The following TIMM9 variants were observed in gnomAD, a reference collection of about 807,000 sequenced individuals.
TIMM9 encodes mitochondrial import inner membrane translocase subunit Tim9.
TIMM9 carries 10 observed loss-of-function variants against 13.4 expected under a neutral mutation model. The observed-to-expected ratio is 0.75, with a 90% CI of 0.46 to 1.26. The LOEUF (loss-of-function observed/expected upper bound fraction) is 1.26, where lower values mean the gene tolerates loss of function less well. Ranked by LOEUF, TIMM9 falls within the 50% of genes most tolerant of loss-of-function variation. The pLI, the probability that TIMM9 is intolerant of heterozygous loss-of-function variation, is 0.00. For missense variants in TIMM9, 87 were observed against 100.8 expected, an observed-to-expected ratio of 0.86 and a Z score of 0.58; for synonymous variants, 32 against 32.1, an observed-to-expected ratio of 1.00 and a Z score of 0.01.
At position 58,408,651 on chromosome 14, in the gene TIMM9, G is replaced by A. The variant is rs1330897320; in HGVS notation, c.*383C>T. 1 of 1,417,330 alleles carries A rather than the reference G, an allele frequency of 7.1e-7. No individual in the cohort carries two copies. Among genetic ancestry groups the A allele is most frequent in the African/African-American group, 1.5e-5 (1 of 68,334 alleles). 87.8% of individuals were successfully genotyped at this position (1,417,330 alleles called of 1,614,324 possible). On this transcript the variant is annotated 3_prime_UTR_variant, in exon 6 of 6. Transcript: ENST00000395159. Reference sequence around the variant, plus strand: ...ACCATACAGTATAAACAACTGCTCAGTGATATTTCCATTTATTTTACTTTG... The same window carrying A: ...ACCATACAGTATAAACAACTGCTCAATGATATTTCCATTTATTTTACTTTG...
Position 58,416,206 on chromosome 14 carries a change from T to C in TIMM9, c.-26-4235A>G, listed in dbSNP as rs184332433. ...TCATGTCAGTGCATTCCAGCCTGGG[T>C]GACAGAGTGAGACTCTGTAGCAAAT... On this transcript the variant is annotated intron_variant, in intron 3 of 5. Coordinates refer to ENST00000395159, the MANE Select transcript of TIMM9 (RefSeq NM_012460.4). Among the ~76,000 whole-genome samples, 8 of 152,134 alleles carry C rather than the reference T, an allele frequency of 5.3e-5. 1 individual carries two copies. In the South Asian group the frequency reaches 6.2e-4, roughly 12 times the overall value.
At chr14:58,418,008 C>A (rs1566751442) in intron 3 of TIMM9, among the ~76,000 whole-genome samples, 1 of 151,664 alleles carries the variant, frequency 6.6e-6, no homozygotes, top group East Asian at 1.9e-4. Flanking sequence ...TAAAACCAGG[C>A]AAAGACAGTA....
intron 3 of TIMM9, among the ~76,000 whole-genome samples, chr14:58,415,177 A>G (rs1384833822): frequency 6.6e-6 from 1 of 152,164 alleles, no homozygotes; most frequent in Non-Finnish European, 1.5e-5. Flanking sequence ...ATGAATTTCT[A>G]CTTCCACCTG....
chr14:58,423,301 T>G (rs1595030887), intron 3 of TIMM9, among the ~76,000 whole-genome samples: 2 of 151,228 alleles, frequency 1.3e-5, no homozygotes, highest in East Asian at 4.0e-4. Context: ...GTGGATCATT[T>G]GAGGTCAGGA....
intron 5 of TIMM9, among the ~76,000 whole-genome samples, chr14:58,409,877 CTATT>C (rs1160290273): frequency 2.0e-5 from 3 of 152,004 alleles, no homozygotes; most frequent in Non-Finnish European, 4.4e-5. Flanking sequence ...CGCGCCCAGC[CTATT>C]TATTTATTTT....
rs776445449 is a variant in TIMM9, at chr14:58,427,377, G to C, written c.-304+15C>G. ...TGACCCGAATCTGTCGAAACTTCTTGGAAGCCTAATTTACCTAATCCCACG... is the reference window on the plus strand; with the variant it reads ...TGACCCGAATCTGTCGAAACTTCTTCGAAGCCTAATTTACCTAATCCCACG... On this transcript the variant is annotated intron_variant, in intron 1 of 5. Coordinates refer to ENST00000395159, the MANE Select transcript of TIMM9 (RefSeq NM_012460.4). 7 of 459,892 alleles carry C rather than the reference G, an allele frequency of 1.5e-5. No homozygotes were observed. The highest frequency in any genetic ancestry group is 5.7e-4 in the Middle Eastern group (1 of 1,740). 28.5% of individuals were successfully genotyped at this position (459,892 alleles called of 1,614,324 possible).
chr14:58,421,722 T>C (rs1042916251), intron 3 of TIMM9, among the ~76,000 whole-genome samples: 9 of 152,170 alleles, frequency 5.9e-5, no homozygotes, highest in African/African-American at 1.9e-4. Flanking sequence ...TGAAAAGATC[T>C]AAGAACTGGT....
At chr14:58,418,926 T>G (rs531070075) in intron 3 of TIMM9, among the ~76,000 whole-genome samples, 16 of 152,094 alleles carry the variant, frequency 1.1e-4, no homozygotes, top group South Asian at 4.1e-4. Context: ...CTAACAAGAT[T>G]TCTTATAAAT....
At chr14:58,420,084 T>C (rs893406940) in intron 3 of TIMM9, among the ~76,000 whole-genome samples, 24 of 152,324 alleles carry the variant, frequency 1.6e-4, no homozygotes, top group East Asian at 7.7e-4. Flanking sequence ...GCCACCATGA[T>C]TGGCCAACTA....
intron 5 of TIMM9, among the ~76,000 whole-genome samples, chr14:58,409,444 T>C (rs2036138148): frequency 6.6e-6 from 1 of 152,208 alleles, no homozygotes; most frequent in African/African-American, 2.4e-5. Context: ...TTTCTGCAAG[T>C]GTATTAAGTG....
intron 3 of TIMM9, among the ~76,000 whole-genome samples, chr14:58,423,285 A>C (rs2036640949): frequency 6.6e-6 from 1 of 151,476 alleles, no homozygotes; most frequent in South Asian, 2.1e-4. Context: ...TGGGAGGCCA[A>C]GGCGGGTGGA....
intron 3 of TIMM9, among the ~76,000 whole-genome samples, chr14:58,421,204 C>G (rs2140338852): frequency 6.6e-6 from 1 of 152,272 alleles, no homozygotes; most frequent in East Asian, 1.9e-4. Flanking sequence ...TTGATACTTG[C>G]AAAAGCCTGG....
intron 2 of TIMM9, among the ~76,000 whole-genome samples, chr14:58,425,712 G>A (rs1343253278): frequency 2.0e-5 from 3 of 152,100 alleles, no homozygotes; most frequent in Non-Finnish European, 4.4e-5. Flanking sequence ...TATCTCCAAG[G>A]TCTCTGGCGA....
intron 2 of TIMM9, among the ~76,000 whole-genome samples, chr14:58,425,488 C>T (rs2036710017): frequency 6.7e-6 from 1 of 149,358 alleles, no homozygotes; most frequent in Non-Finnish European, 1.5e-5. Context: ...TGCCTGAGCT[C>T]AGGAGTTGAA....
In TIMM9 at chr14:58,411,990, A is replaced by G. The variant is rs773000273; in HGVS notation, c.-26-19T>C. ...TAGTCACCTAATTTAAAAATTCAAA[A>G]CAAGTTTGTCAATCTATAAACAAAT... On this transcript the variant is annotated intron_variant, in intron 3 of 5. Transcript: ENST00000395159. 2 of 1,582,598 alleles carry G rather than the reference A, an allele frequency of 1.3e-6. No homozygotes were observed. Among genetic ancestry groups the G allele is most frequent in the Non-Finnish European group, 1.7e-6 (2 of 1,152,620 alleles).
At chr14:58,419,457 A>T (rs1308184618) in intron 3 of TIMM9, among the ~76,000 whole-genome samples, 68 of 66,990 alleles carry the variant, frequency 1.0e-3, no homozygotes, top group Admixed American at 5.0e-3. Flanking sequence ...CCCGTCACAC[A>T]CACACACACA....
intron 3 of TIMM9, among the ~76,000 whole-genome samples, chr14:58,423,614 CAG>C (rs746046940): frequency 6.7e-6 from 1 of 149,706 alleles, no homozygotes; most frequent in Non-Finnish European, 1.5e-5. Flanking sequence ...CAATGATTTT[CAG>C]AGTTACTTGC....
chr14:58,415,365 A>T (rs2036370711), intron 3 of TIMM9, among the ~76,000 whole-genome samples: 1 of 152,208 alleles, frequency 6.6e-6, no homozygotes, highest in Non-Finnish European at 1.5e-5. Context: ...AAACTGAATT[A>T]AAAAAAGACA....
At chr14:58,425,044 T>G (rs1273252461) in intron 2 of TIMM9, among the ~76,000 whole-genome samples, 1 of 151,992 alleles carries the variant, frequency 6.6e-6, no homozygotes, top group Non-Finnish European at 1.5e-5. Flanking sequence ...ATGGAACAAT[T>G]TGTAAGACAA....
Sources: gnomAD v4.1 joint callset for allele counts (sites outside exome capture counted in the v4.1 genomes callset) on GRCh38, gnomAD v4.1.1 for gene constraint, MANE v1.5 for transcripts, NCBI Gene and HGNC (gene_info 2026-07-23, HGNC 2026-07-21) for gene names.